The following MUC5B variants were observed in gnomAD, a reference collection of about 807,000 sequenced individuals.
The protein encoded by MUC5B is mucin 5B, oligomeric mucus/gel-forming, also known as mucin-5B.
In MUC5B, 116 loss-of-function variants were observed where a neutral mutation model predicts 376.9. That is an observed-to-expected ratio of 0.31 (90% CI 0.26 to 0.36). MUC5B has a LOEUF of 0.36. Ranked by LOEUF, MUC5B falls within the 10% of genes least tolerant of loss-of-function variation. MUC5B has a pLI of 1.00. For missense variants in MUC5B, 7,165 were observed against 7,769.9 expected (o/e 0.92, Z 2.93); for synonymous variants, 3,517 against 3,390.9 (o/e 1.04, Z -1.29).
intron 1 of MUC5B, among the ~76,000 whole-genome samples, chr11:1,224,159 A>G (rs1861826130): frequency 6.6e-6 from 1 of 152,154 alleles, no homozygotes; most frequent in Non-Finnish European, 1.5e-5. Context: ...GGCTCCCCTC[A>G]CCTGAGCAGG....
rs889398048 is a variant in MUC5B, at chr11:1,243,269, C to T, written c.6389C>T (p.Pro2130Leu). 5.1e-6 allele frequency: 8 copies of T among 1,555,528 alleles called. No homozygotes were observed. The highest frequency in any genetic ancestry group is 2.7e-5 in the African/African-American group (2 of 72,766). The change falls in exon 31 of 49, where the codon CCC (proline) becomes CTC (leucine). Residue 2130 changes from proline (P) to leucine (L), a missense_variant. Coordinates refer to ENST00000529681, the MANE Select transcript of MUC5B (RefSeq NM_002458.3). ...TCTAGCACACAGACCAGTGGTACTC[C>T]CCCATCACTGACCACCACGGCCACT... ...PSSSTQTSGTPPSLTTTATTI... is the reference protein window; with the variant it reads ...PSSSTQTSGTLPSLTTTATTI...
Position 1,247,437 on chromosome 11 carries a change from C to T in MUC5B, c.10557C>T (p.Thr3519=), listed in dbSNP as rs779444776. 71 of 1,609,598 alleles carry T rather than the reference C, an allele frequency of 4.4e-5. 1 individual carries two copies. Among genetic ancestry groups the T allele is most frequent in the African/African-American group, 1.2e-4 (9 of 74,384 alleles). The change falls in exon 31 of 49, where the codon ACC becomes ACT. Residue 3519 remains threonine, a synonymous_variant. Coordinates refer to ENST00000529681, the MANE Select transcript of MUC5B (RefSeq NM_002458.3). ...GCCCTCACCCTAGCAGCAGGACCAC[C>T]GAGTCACCCCCTTCTCCAGGGACGA... ...LSSPHPSSRT[T]ESPPSPGTTT...
Position 1,249,889 on chromosome 11 carries a change from C to T in MUC5B, c.13009C>T (p.Leu4337Phe), listed in dbSNP as rs778086624. 2 of 1,613,684 alleles carry T rather than the reference C, an allele frequency of 1.2e-6. No individual in the cohort carries two copies. The highest frequency in any genetic ancestry group is 1.7e-5 in the Admixed American group (1 of 60,002). ...CTCCACCCTTGGGACCACCGGGACCCTCCCAGAACAGACCACCACACCCGT... is the reference window on the plus strand; with the variant it reads ...CTCCACCCTTGGGACCACCGGGACCTTCCCAGAACAGACCACCACACCCGT... ...PSSTLGTTGT[L>F]PEQTTTPVAT... is the part of the protein sequence containing the mutation. The change falls in exon 31 of 49, where the codon CTC becomes TTC. Residue 4337 changes from leucine (L) to phenylalanine (F), a missense_variant. Leu to Phe is a conservative substitution (Grantham distance 22). Transcript: ENST00000529681.
rs1407717206 is a variant in MUC5B at position 1,251,037 on chromosome 11, C to T, written c.14157C>T (p.Thr4719=). The change falls in exon 31 of 49, where the codon ACC becomes ACT. Residue 4719 remains threonine (T), a synonymous_variant. Transcript: ENST00000529681. ...GCACGGCCACCACACCCGCAGCCAC[C>T]AGCTCCAAAGCCACTTCCTCCTCCA... ...LTSTATTPAA[T]SSKATSSSSP... The T allele has an allele frequency of 3.1e-6, 5 of 1,611,368 alleles. No homozygotes were observed. In the African/African-American group the frequency reaches 4.0e-5, roughly 13 times the overall value.
chr11:1,244,991 CCAA>C lies in MUC5B; in HGVS notation c.8113_8115del (p.Asn2705del). The C allele has an allele frequency of 1.3e-6, 2 of 1,553,844 alleles. No individual in the cohort carries two copies. Among genetic ancestry groups the C allele is most frequent in the Non-Finnish European group, 1.7e-6 (2 of 1,148,456 alleles). On this transcript the variant is annotated inframe_deletion, in exon 31 of 49. Coordinates refer to ENST00000529681, the MANE Select transcript of MUC5B (RefSeq NM_002458.3). ...ACGATCACGGCCACCGGCTCCACCA[CCAA>C]CCCCTCCTCAACTCCAGGGACAACA...
chr11:1,242,536 C>T lies in MUC5B; in HGVS notation c.5656C>T (p.Pro1886Ser). 6.2e-7 allele frequency: 1 copy of T among 1,613,816 alleles called. No homozygotes were observed. Among genetic ancestry groups the T allele is most frequent in the South Asian group, 1.1e-5 (1 of 91,082 alleles). Residue 1886 changes from proline to serine, a missense_variant, in exon 31 of 49, where the codon CCC (proline) becomes TCC (serine). Physicochemically the swap from Pro to Ser is moderately conservative, Grantham distance 74 (BLOSUM62 -1). Transcript: ENST00000529681. ...TTGCTGTGACGACTACAGCCACTGC[C>T]CCAGTACCCCAGCCACCAGCTCCAC... ...VLCCDDYSHC[P>S]STPATSSTAT...
At chr11:1,230,706 C>A (rs891623982) in intron 12 of MUC5B, 106 bp downstream of exon 12, 4 of 1,078,734 alleles carry the variant, frequency 3.7e-6, no homozygotes, top group Admixed American at 4.4e-5. Context: ...CCAGGTCCCC[C>A]CTCCAGCCCC....
Position 1,230,563 on chromosome 11 carries a change from T to A in MUC5B, c.1433T>A (p.Leu478Gln). 1 of 1,611,528 alleles carries A rather than the reference T, an allele frequency of 6.2e-7. No homozygotes were observed. Among genetic ancestry groups the A allele is most frequent in the Non-Finnish European group, 8.5e-7 (1 of 1,179,154 alleles). The change falls in exon 12 of 49, where the codon CTG becomes CAG. Residue 478 changes from leucine to glutamine, a missense_variant. Transcript: ENST00000529681. ...KCGLTDNENC[L>Q]KAVTLSLDGG... ...GGCCTGACGGACAACGAGAACTGCC[T>A]GAAAGCGGTGACGCTCAGCCTGGAC...
Position 1,246,767 on chromosome 11 carries a change from C to G in MUC5B, c.9887C>G (p.Pro3296Arg). Residue 3296 changes from proline (P) to arginine (R), a missense_variant, in exon 31 of 49, where the codon CCC becomes CGC. Physicochemically the swap from Pro to Arg is moderately radical, Grantham distance 103 (BLOSUM62 -2). Around this residue, in one of 31 missense-constraint regions of MUC5B, gnomAD observed 939 missense variants for 770.6 expected, o/e 1.22. Coordinates refer to ENST00000529681, the MANE Select transcript of MUC5B (RefSeq NM_002458.3). Reference sequence around the variant, plus strand: ...AGGGCCACCGGCTCTGTGGCCACCCCCTCCTCCACCCCAGGAACAGCTCAC... The same window carrying G: ...AGGGCCACCGGCTCTGTGGCCACCCGCTCCTCCACCCCAGGAACAGCTCAC... The part of the protein sequence containing the change: ...TTRATGSVAT[P>R]SSTPGTAHTT... 2 of 1,610,648 alleles carry G rather than the reference C, an allele frequency of 1.2e-6. No individual in the cohort carries two copies. Among genetic ancestry groups the G allele is most frequent in the Non-Finnish European group, 1.7e-6 (2 of 1,178,002 alleles).
At position 1,228,668 on chromosome 11, in the gene MUC5B, C is replaced by T. The variant is rs1861945845; in HGVS notation, c.879C>T (p.Arg293=). Residue 293 remains arginine, a synonymous_variant, in exon 8 of 49, where the codon CGC becomes CGT. Coordinates refer to ENST00000529681, the MANE Select transcript of MUC5B (RefSeq NM_002458.3). ...YLAACAQDLC[R]CPTCPCATFV... The stretch of plus-strand genomic sequence containing the variant: ...CCGCCTGCGCCCAGGACCTGTGCCG[C>T]TGCCCCACCTGCCCGTGTGCCACCT... 1.4e-5 allele frequency: 21 copies of T among 1,534,368 alleles called. No individual in the cohort carries two copies. The highest frequency in any genetic ancestry group is 1.7e-5 in the Non-Finnish European group (20 of 1,146,292).
At position 1,242,581 on chromosome 11, in the gene MUC5B, C is replaced by A; in HGVS notation, c.5701C>A (p.Pro1901Thr). Reference protein sequence around the residue: ...TSSTATPSSTPGTTWILTKPT... With the variant: ...TSSTATPSSTTGTTWILTKPT... Reference sequence around the variant, plus strand: ...CTCCACGGCCACGCCCTCCTCAACTCCGGGGACGACCTGGATCCTCACAAA... The same window carrying A: ...CTCCACGGCCACGCCCTCCTCAACTACGGGGACGACCTGGATCCTCACAAA... The change falls in exon 31 of 49, where the codon CCG becomes ACG. Residue 1901 changes from proline (P) to threonine (T), a missense_variant. Pro to Thr is a conservative substitution (Grantham distance 38). Transcript: ENST00000529681. 6 of 1,613,742 alleles carry A rather than the reference C, an allele frequency of 3.7e-6. No homozygotes were observed. Among genetic ancestry groups the A allele is most frequent in the Non-Finnish European group, 5.1e-6 (6 of 1,179,798 alleles).
In MUC5B at chr11:1,258,155, T is replaced by C. The variant is rs770993585; in HGVS notation, c.16507T>C (p.Ser5503Pro). The C allele has an allele frequency of 6.2e-7, 1 of 1,602,302 alleles. No homozygotes were observed. The highest frequency in any genetic ancestry group is 1.1e-5 in the South Asian group (1 of 88,900). Residue 5503 changes from serine (S) to proline (P), a missense_variant, in exon 42 of 49, where the codon TCC (serine) becomes CCC (proline). Physicochemically the swap from Ser to Pro is moderately conservative, Grantham distance 74. Around this residue, in one of 31 missense-constraint regions of MUC5B, gnomAD observed 842 missense variants for 1,016.9 expected, o/e 0.83. Transcript: ENST00000529681. The surrounding 1 kb of genome is among the most constrained non-coding windows in gnomAD (Gnocchi z 5.5). ...GCCTGTGTGCCCGCCAGGGCAGGAGTCCATCTGCACCCAGGAGGAGGGCGA... is the reference window on the plus strand; with the variant it reads ...GCCTGTGTGCCCGCCAGGGCAGGAGCCCATCTGCACCCAGGAGGAGGGCGA... ...SLPVCPPGQE[S>P]ICTQEEGDCC...
Position 1,246,767 on chromosome 11 carries a change from C to T in MUC5B, c.9887C>T (p.Pro3296Leu), listed in dbSNP as rs1269281663. ...TTRATGSVAT[P>L]SSTPGTAHTT... ...AGGGCCACCGGCTCTGTGGCCACCCCCTCCTCCACCCCAGGAACAGCTCAC... is the reference window on the plus strand; with the variant it reads ...AGGGCCACCGGCTCTGTGGCCACCCTCTCCTCCACCCCAGGAACAGCTCAC... The change falls in exon 31 of 49, where the codon CCC (proline) becomes CTC (leucine). Residue 3296 changes from proline to leucine, a missense_variant. Physicochemically the swap from Pro to Leu is moderately conservative, Grantham distance 98. Coordinates refer to ENST00000529681, the MANE Select transcript of MUC5B (RefSeq NM_002458.3). The T allele has an allele frequency of 6.2e-7, 1 of 1,610,648 alleles. No homozygotes were observed. Among genetic ancestry groups the T allele is most frequent in the Non-Finnish European group, 8.5e-7 (1 of 1,178,002 alleles).
chr11:1,228,470 C>T, intron 7 of MUC5B, 94 bp from the exon 8 acceptor site: 1 of 1,237,224 alleles, frequency 8.1e-7, no homozygotes, highest in Non-Finnish European at 1.1e-6. Flanking sequence ...AGGGAGAGGG[C>T]TTCCCGGCCT....
intron 48 of MUC5B, among the ~76,000 whole-genome samples, 175 bp from the exon 49 acceptor site, chr11:1,261,214 C>T (rs1390964459): frequency 6.6e-6 from 1 of 152,198 alleles, no homozygotes; most frequent in Non-Finnish European, 1.5e-5. Context: ...CCCTGGGGGC[C>T]CAGAGCTGCC....
rs10832955 is a variant in MUC5B at position 1,229,466 on chromosome 11, C to T, written c.1102+171C>T. On this transcript the variant is annotated intron_variant, in intron 9 of 48. Coordinates refer to ENST00000529681, the MANE Select transcript of MUC5B (RefSeq NM_002458.3). Reference sequence around the variant, plus strand: ...GAGGGTGCCGGAAGACCTGCCGATGCGTGGAGGGAGGTAGAGCAGTGCCAT... The same window carrying T: ...GAGGGTGCCGGAAGACCTGCCGATGTGTGGAGGGAGGTAGAGCAGTGCCAT... 0.36 allele frequency among the ~76,000 whole-genome samples: 54,738 copies of T among 151,982 alleles called. 10,194 individuals carry two copies. Among genetic ancestry groups the T allele is most frequent in the East Asian group, 0.6 (3,088 of 5,138 alleles).
chr11:1,230,829 T>C lies in MUC5B; in HGVS notation c.1471-107T>C. ...CCGCAGGTCCAGGTCTGAGCTTCTC[T>C]GTGGGCTCTGTCCCCAGTGGGGGCC... On this transcript the variant is annotated intron_variant, in intron 12 of 48. Coordinates refer to ENST00000529681, the MANE Select transcript of MUC5B (RefSeq NM_002458.3). 3 of 1,328,182 alleles carry C rather than the reference T, an allele frequency of 2.3e-6. No individual in the cohort carries two copies. The Admixed American group carries it at 6.1e-5, about 27-fold the overall frequency. 82.3% of individuals were successfully genotyped at this position (1,328,182 alleles called of 1,614,324 possible).
At chr11:1,223,716 C>T (rs553768690) in intron 1 of MUC5B, among the ~76,000 whole-genome samples, 1 of 152,370 alleles carries the variant, frequency 6.6e-6, no homozygotes, top group South Asian at 2.1e-4. Flanking sequence ...CCACGCTCGA[C>T]TCCCACGGCC....
In MUC5B at chr11:1,248,752, G is replaced by A. The variant is rs375432828; in HGVS notation, c.11872G>A (p.Gly3958Ser). 1.3e-5 allele frequency: 20 copies of A among 1,552,138 alleles called. No individual in the cohort carries two copies. The highest frequency in any genetic ancestry group is 1.7e-4 in the Middle Eastern group (1 of 5,960). The change falls in exon 31 of 49, where the codon GGC becomes AGC. Residue 3958 changes from glycine to serine, a missense_variant. Physicochemically the swap from Gly to Ser is moderately conservative, Grantham distance 56 (BLOSUM62 0). Transcript: ENST00000529681. ...ITTATTITAT[G>S]STTNPSSTPG... ...CACGGCCACTACGATCACGGCCACC[G>A]GCTCCACCACCAACCCCTCCTCAAC...
Sources: gnomAD v4.1 joint callset for allele counts (sites outside exome capture counted in the v4.1 genomes callset) on GRCh38, gnomAD v4.1.1 for gene constraint, gnomAD v4.1.1 regional missense constraint, Gnocchi (gnomAD v3.1) non-coding constraint, MANE v1.5 for transcripts, NCBI Gene and HGNC (gene_info 2026-07-23, HGNC 2026-07-21) for gene names.